FAM114A2: variants seen among roughly 807,000 people sequenced by gnomAD.
The protein encoded by FAM114A2 is family with sequence similarity 114 member A2, also known as protein FAM114A2.
In FAM114A2, 53 loss-of-function variants were observed where a neutral mutation model predicts 58.4. The observed-to-expected ratio is 0.91, with a 90% CI of 0.73 to 1.14. The LOEUF (loss-of-function observed/expected upper bound fraction) is 1.14, where lower values mean the gene tolerates loss of function less well. Ranked by LOEUF, FAM114A2 falls within the 50% of genes most tolerant of loss-of-function variation. FAM114A2 has a pLI of 0.00. For synonymous variants in FAM114A2, 228 were observed against 211.4 expected (o/e 1.08, Z -0.68); for missense variants, 601 against 581.1 (o/e 1.03, Z -0.35).
chr5:154,011,732 T>A (rs971236820), intron 8 of FAM114A2, among the ~76,000 whole-genome samples: 1 of 152,164 alleles, frequency 6.6e-6, no homozygotes, highest in African/African-American at 2.4e-5. Context: ...GTACTGTACA[T>A]GCGCTTCCAA....
chr5:154,011,337 C>A lies in FAM114A2; in HGVS notation c.914-17G>T. On this transcript the variant is annotated splice_polypyrimidine_tract_variant and intron_variant, in intron 8 of 13. Transcript: ENST00000351797. ...CTTCATCCCCTAAAAAACCAAGTCCCATATAAAACACTCCAGAAAGACTGC... is the reference window on the plus strand; with the variant it reads ...CTTCATCCCCTAAAAAACCAAGTCCAATATAAAACACTCCAGAAAGACTGC... 6.3e-7 allele frequency: 1 copy of A among 1,579,020 alleles called. No individual in the cohort carries two copies. Among genetic ancestry groups the A allele is most frequent in the Non-Finnish European group, 8.7e-7 (1 of 1,150,946 alleles).
In FAM114A2 at chr5:153,994,946, G is replaced by T; in HGVS notation, c.1356C>A (p.Asn452Lys). The T allele has an allele frequency of 4.3e-6, 7 of 1,609,446 alleles. No individual in the cohort carries two copies. Among genetic ancestry groups the T allele is most frequent in the Non-Finnish European group, 6.0e-6 (7 of 1,176,080 alleles). The part of the protein sequence containing the change: ...AGVKEMADVL[N>K]PLITAVFLEA... Reference sequence around the variant, plus strand: ...CTAGAAATACTGCAGTGATTAATGGGTTAAGGACATCTGCCATTTCTTTGA... The same window carrying T: ...CTAGAAATACTGCAGTGATTAATGGTTTAAGGACATCTGCCATTTCTTTGA... Residue 452 changes from asparagine (N) to lysine (K), a missense_variant, in exon 13 of 14, where the codon AAC becomes AAA. Physicochemically the swap from Asn to Lys is moderately conservative, Grantham distance 94. Transcript: ENST00000351797.
intron 8 of FAM114A2, among the ~76,000 whole-genome samples, chr5:154,013,483 G>A (rs1444178851): frequency 1.3e-5 from 2 of 152,202 alleles, no homozygotes; most frequent in Non-Finnish European, 2.9e-5. Flanking sequence ...GGGGAAGGCT[G>A]GGGCACAGTG....
Position 154,003,177 on chromosome 5 carries a change from G to GCTTTTTT in FAM114A2, c.994-209_994-208insAAAAAAG, listed in dbSNP as rs369892098. Among the ~76,000 whole-genome samples the GCTTTTTT allele has an allele frequency of 5.9e-5, 8 of 134,880 alleles. 1 individual carries two copies. The highest frequency in any genetic ancestry group is 6.5e-5 in the Non-Finnish European group (4 of 62,000). 88.5% of individuals were successfully genotyped at this position (134,880 alleles called of 152,430 possible). On this transcript the variant is annotated intron_variant, in intron 9 of 13. Transcript: ENST00000351797. ...CCTTTTCAAAATTCTCTAATTGGTA[G>GCTTTTTT]TATTTTTTTTTTTTTTTTGAGATGG... is the stretch of plus-strand genomic sequence containing the variant.
intron 11 of FAM114A2, among the ~76,000 whole-genome samples, chr5:153,999,392 T>C (rs1015088185): frequency 2.0e-5 from 3 of 151,922 alleles, no homozygotes; most frequent in African/African-American, 4.8e-5. Flanking sequence ...TCCCAGCACT[T>C]TGGGAGGTCA....
At chr5:154,034,140 C>A in intron 3 of FAM114A2, 138 bp downstream of exon 3, 1 of 634,064 alleles carries the variant, frequency 1.6e-6, no homozygotes, top group Non-Finnish European at 2.8e-6. Flanking sequence ...ATCAGCCCAT[C>A]ATTACTAATG....
chr5:153,998,994 A>G (rs931233258), intron 11 of FAM114A2, among the ~76,000 whole-genome samples: 2 of 152,238 alleles, frequency 1.3e-5, no homozygotes, highest in Non-Finnish European at 2.9e-5. Flanking sequence ...TTCTATCCGT[A>G]AAACTGTGAG....
At chr5:154,000,224 A>C (rs1769887697) in intron 11 of FAM114A2, among the ~76,000 whole-genome samples, 1 of 152,206 alleles carries the variant, frequency 6.6e-6, no homozygotes, top group Non-Finnish European at 1.5e-5. Flanking sequence ...GGTGGGGATG[A>C]AGAGAAGTTG....
At position 154,032,421 on chromosome 5, in the gene FAM114A2, T is replaced by C. The variant is rs141916792; in HGVS notation, c.403+1370A>G. 3.5e-3 allele frequency among the ~76,000 whole-genome samples: 526 copies of C among 152,304 alleles called. 7 individuals carry two copies. Among genetic ancestry groups the C allele is most frequent in the African/African-American group, 0.012 (500 of 41,582 alleles). ...AAAACATGGCCCTCTGTGGTAGATA[T>C]CTTTCAGTGTCATGAAGATGCTGCT... is the stretch of plus-strand genomic sequence containing the variant. On this transcript the variant is annotated intron_variant, in intron 4 of 13. Transcript: ENST00000351797.
At position 154,002,927 on chromosome 5, in the gene FAM114A2, T is replaced by G. The variant is rs1403928768; in HGVS notation, c.1036A>C (p.Lys346Gln). 1.2e-6 allele frequency: 2 copies of G among 1,613,838 alleles called. No individual in the cohort carries two copies. Among genetic ancestry groups the G allele is most frequent in the Admixed American group, 1.7e-5 (1 of 60,006 alleles). ...CCTTCTTCATTCTCTGCTAATGGCT[T>G]GGTCAGAGACTTCCTGATCCATTCG... is the stretch of plus-strand genomic sequence containing the variant. ...AHEWIRKSLT[K>Q]PLAENEEGEK... Residue 346 changes from lysine to glutamine, a missense_variant, in exon 10 of 14, where the codon AAG becomes CAG. Lys to Gln is a moderately conservative substitution (Grantham distance 53). Coordinates refer to ENST00000351797, the MANE Select transcript of FAM114A2 (RefSeq NM_018691.4).
At position 153,993,114 on chromosome 5, in the gene FAM114A2, C is replaced by A. The variant is rs370219072; in HGVS notation, c.1384-4G>T. The A allele has an allele frequency of 1.2e-5, 19 of 1,596,428 alleles. No homozygotes were observed. Among genetic ancestry groups the A allele is most frequent in the Non-Finnish European group, 1.5e-5 (17 of 1,172,392 alleles). On this transcript the variant is annotated splice_region_variant and splice_polypyrimidine_tract_variant and intron_variant, in intron 13 of 13. Coordinates refer to ENST00000351797, the MANE Select transcript of FAM114A2 (RefSeq NM_018691.4). ...TGTAGGAGGCACTGTTTGATGCCTG[C>A]CAGGATTGAAAAAACAAGAAAAAGA...
Position 154,036,190 on chromosome 5 carries a change from T to C in FAM114A2, c.-14-1223A>G, listed in dbSNP as rs187829974. 6.3e-4 allele frequency: 96 copies of C among 152,348 alleles called. 2 individuals are homozygous for C. Among genetic ancestry groups the C allele is most frequent in the Admixed American group, 6.2e-3 (95 of 15,302 alleles). The allele number at this position is 152,348 out of a possible 1,614,324, so 9.4% of individuals were successfully genotyped here. A position where few individuals can be genotyped will look rare whatever the true frequency, so the allele number is the denominator to read the frequency against. On this transcript the variant is annotated intron_variant, in intron 1 of 13. Transcript: ENST00000351797. Reference sequence around the variant, plus strand: ...TTAATGAGGTATAATTTATCAATTTTTCCTTTTACTTATTGTCCTTAAAAA... The same window carrying C: ...TTAATGAGGTATAATTTATCAATTTCTCCTTTTACTTATTGTCCTTAAAAA...
intron 13 of FAM114A2, 140 bp downstream of exon 13, chr5:153,994,779 A>T (rs139847081): frequency 1.6e-6 from 1 of 609,308 alleles, no homozygotes; most frequent in African/African-American, 1.8e-5. Flanking sequence ...TCAAATATAC[A>T]CTATTTCTGT....
intron 10 of FAM114A2, 77 bp downstream of exon 10, chr5:154,002,770 T>C (rs1770073829): frequency 2.7e-6 from 4 of 1,473,034 alleles, no homozygotes; most frequent in African/African-American, 1.4e-5. Context: ...AGTGTAAAAA[T>C]AGGAGCCTGG....
At chr5:154,012,901 T>G (rs964560707) in intron 8 of FAM114A2, among the ~76,000 whole-genome samples, 19 of 152,094 alleles carry the variant, frequency 1.2e-4, no homozygotes, top group Non-Finnish European at 2.1e-4. Flanking sequence ...AAAATGGACT[T>G]TTTTATTTAT....
intron 8 of FAM114A2, among the ~76,000 whole-genome samples, chr5:154,019,694 A>C (rs1771275206): frequency 6.6e-6 from 1 of 152,210 alleles, no homozygotes; most frequent in African/African-American, 2.4e-5. Context: ...CACGTAGTCC[A>C]ATAGAACAGA....
intron 8 of FAM114A2, among the ~76,000 whole-genome samples, chr5:154,023,823 A>G (rs1336580612): frequency 6.6e-6 from 1 of 152,162 alleles, no homozygotes. Context: ...ACTGGTAAAG[A>G]TAACTATGTA....
At chr5:153,994,707 C>T (rs754754559) in intron 13 of FAM114A2, 38 of 491,346 alleles carry the variant, frequency 7.7e-5, no homozygotes, top group Admixed American at 1.6e-4. Context: ...CAATCTACTG[C>T]TTCTTCCAGT....
chr5:154,027,446 T>G, intron 6 of FAM114A2, 112 bp from the exon 7 acceptor site: 4 of 789,732 alleles, frequency 5.1e-6, no homozygotes, highest in Non-Finnish European at 7.4e-6. Flanking sequence ...GGATTGCCCT[T>G]TCATTCTTGG....
Sources: gnomAD v4.1 joint callset for allele counts (sites outside exome capture counted in the v4.1 genomes callset) on GRCh38, gnomAD v4.1.1 for gene constraint, MANE v1.5 for transcripts, NCBI Gene and HGNC (gene_info 2026-07-23, HGNC 2026-07-21) for gene names.